RNF149: variants seen among roughly 807,000 people sequenced by gnomAD.
RNF149 encodes the protein E3 ubiquitin-protein ligase RNF149.
RNF149 carries 21 observed loss-of-function variants against 39.0 expected under a neutral mutation model. That is an observed-to-expected ratio of 0.54 (90% confidence interval 0.38 to 0.77). RNF149 has a LOEUF of 0.77. Ranked by LOEUF, RNF149 falls within the 30% of genes least tolerant of loss-of-function variation. RNF149 has a pLI of 0.00. For missense variants in RNF149, 493 were observed against 534.9 expected (o/e 0.92, Z 0.77); for synonymous variants, 209 against 213.6 (o/e 0.98, Z 0.19).
Position 101,294,166 on chromosome 2 carries a change from A to G in RNF149, c.712-84T>C, listed in dbSNP as rs1573246003. ...CTTAAAAGTCACAAATATAATACAC[A>G]TAAGCATACAGAAAACATTTCATTT... On this transcript the variant is annotated intron_variant, in intron 2 of 6. Coordinates refer to ENST00000295317, the MANE Select transcript of RNF149 (RefSeq NM_173647.4). The G allele has an allele frequency of 1.1e-5, 8 of 745,006 alleles. No individual in the cohort carries two copies. The South Asian group carries it at 1.3e-4, about 12-fold the overall frequency. The allele number at this position is 745,006 out of a possible 1,614,324, so 46.1% of individuals were successfully genotyped here. A position where few individuals can be genotyped will look rare whatever the true frequency, so the allele number is the denominator to read the frequency against.
At chr2:101,287,672 A>G (rs1406593961) in intron 4 of RNF149, among the ~76,000 whole-genome samples, 2 of 152,184 alleles carry the variant, frequency 1.3e-5, no homozygotes, top group Non-Finnish European at 2.9e-5. Flanking sequence ...GATCCAACCC[A>G]ATTCATTCAG....
chr2:101,295,255 G>A (rs1683178212), intron 1 of RNF149, 74 bp from the exon 2 acceptor site: 1 of 1,278,548 alleles, frequency 7.8e-7, no homozygotes, highest in Admixed American at 2.1e-5. Flanking sequence ...TAAATATAAG[G>A]GTACTATGTT....
intron 1 of RNF149, among the ~76,000 whole-genome samples, chr2:101,298,769 T>C (rs1259912026): frequency 6.6e-6 from 1 of 152,204 alleles, no homozygotes. Context: ...TGACTGTTTC[T>C]GGGGAGAGGC....
rs371713499 is a variant in RNF149, at chr2:101,297,969, C to T, written c.461-2788G>A. On this transcript the variant is annotated intron_variant, in intron 1 of 6. Coordinates refer to ENST00000295317, the MANE Select transcript of RNF149 (RefSeq NM_173647.4). ...TACACTATACTGGCAAAAATAGGCA[C>T]GAATGAGCACTCTCGCACACTGCTG... Among the ~76,000 whole-genome samples the T allele has an allele frequency of 2.0e-3, 300 of 152,270 alleles. 5 individuals carry two copies. In the South Asian group the frequency reaches 0.059, roughly 30 times the overall value.
chr2:101,306,629 CCACA>C (rs1243580550), intron 1 of RNF149, among the ~76,000 whole-genome samples: 1 of 152,144 alleles, frequency 6.6e-6, no homozygotes, highest in Non-Finnish European at 1.5e-5. Flanking sequence ...CAGATCACTC[CCACA>C]CAATTTCAAA....
intron 1 of RNF149, among the ~76,000 whole-genome samples, chr2:101,296,946 C>T (rs941247085): frequency 4.6e-5 from 7 of 152,164 alleles, no homozygotes. Flanking sequence ...CGGTGCCTCA[C>T]GCCTGTAATC....
rs34671786 is a variant in RNF149 at position 101,287,904 on chromosome 2, A to T, written c.863+1069T>A. Among the ~76,000 whole-genome samples, 689 of 152,362 alleles carry T rather than the reference A, an allele frequency of 4.5e-3. 2 individuals carry two copies. Among genetic ancestry groups the T allele is most frequent in the Middle Eastern group, 0.031 (9 of 294 alleles). On this transcript the variant is annotated intron_variant, in intron 4 of 6. Transcript: ENST00000295317. Reference sequence around the variant, plus strand: ...TTGCTTCTAGTAGGTGTGAAGTATAATTAAAATTCATCAGACTTAAAACAT... The same window carrying T: ...TTGCTTCTAGTAGGTGTGAAGTATATTTAAAATTCATCAGACTTAAAACAT...
chr2:101,295,593 G>A (rs1014326905), intron 1 of RNF149, among the ~76,000 whole-genome samples: 1 of 151,358 alleles, frequency 6.6e-6, no homozygotes, highest in Non-Finnish European at 1.5e-5. Flanking sequence ...CCTGGGAAGC[G>A]GAGGTTGCAG....
intron 1 of RNF149, among the ~76,000 whole-genome samples, chr2:101,305,102 G>A (rs976575994): frequency 3.9e-5 from 6 of 152,072 alleles, no homozygotes; most frequent in Admixed American, 2.0e-4. Context: ...GCCTCCTGAT[G>A]TGCTGGGGAT....
At chr2:101,290,445 T>C (rs1682963853) in intron 3 of RNF149, among the ~76,000 whole-genome samples, 1 of 152,164 alleles carries the variant, frequency 6.6e-6, no homozygotes, top group South Asian at 2.1e-4. Context: ...ACTAAGCAAG[T>C]GTTCACGGGT....
chr2:101,286,117 C>T lies in RNF149; in HGVS notation c.924G>A (p.Met308Ile). The T allele has an allele frequency of 6.2e-7, 1 of 1,612,486 alleles. No individual in the cohort carries two copies. Among genetic ancestry groups the T allele is most frequent in the South Asian group, 1.1e-5 (1 of 91,034 alleles). Reference protein sequence around the residue: ...PWLLDHRTCPMCKLDVIKALG... With the variant: ...PWLLDHRTCPICKLDVIKALG... ...GGGCTTTGATGACATCAAGTTTACA[C>T]ATTGGACATGTTCGGTGATCCAAAA... The change falls in exon 5 of 7, where the codon ATG (methionine) becomes ATA (isoleucine). Residue 308 changes from methionine to isoleucine, a missense_variant. Met to Ile is a conservative substitution (Grantham distance 10, BLOSUM62 1). Transcript: ENST00000295317.
At chr2:101,293,614 A>C (rs1683102401) in intron 3 of RNF149, among the ~76,000 whole-genome samples, 1 of 152,194 alleles carries the variant, frequency 6.6e-6, no homozygotes, top group Admixed American at 6.5e-5. Flanking sequence ...TTCTCCCTGT[A>C]ACTAAAGGAC....
chr2:101,308,143 G>C lies in RNF149; in HGVS notation c.446C>G (p.Pro149Arg). The C allele has an allele frequency of 6.2e-7, 1 of 1,609,468 alleles. No individual in the cohort carries two copies. Among genetic ancestry groups the C allele is most frequent in the Non-Finnish European group, 8.5e-7 (1 of 1,179,020 alleles). The change falls in exon 1 of 7, where the codon CCC becomes CGC. Residue 149 changes from proline to arginine, a missense_variant. Physicochemically the swap from Pro to Arg is moderately radical, Grantham distance 103 (BLOSUM62 -2). Transcript: ENST00000295317. ...NEERYGNITL[P>R]MSHAGTGNIV... ...GGCCTGCTCACCCGCGTGAGACATG[G>C]GCAAGGTGATGTTCCCGTAGCGCTC...
Position 101,277,288 on chromosome 2 carries a change from G to T in RNF149, c.1160-7C>A. ...GAGTCACTCCTGCCGGCTTCTGCAA[G>T]AGAGCAACATAAGCTACTCCATCAG... On this transcript the variant is annotated splice_region_variant and splice_polypyrimidine_tract_variant and intron_variant, in intron 6 of 6. Transcript: ENST00000295317. 1 of 1,612,324 alleles carries T rather than the reference G, an allele frequency of 6.2e-7. No homozygotes were observed. Among genetic ancestry groups the T allele is most frequent in the South Asian group, 1.1e-5 (1 of 90,740 alleles).
chr2:101,286,902 T>G (rs1307528554), intron 4 of RNF149, among the ~76,000 whole-genome samples: 1 of 152,214 alleles, frequency 6.6e-6, no homozygotes, highest in Non-Finnish European at 1.5e-5. Context: ...ACACCAGGGT[T>G]AGAGGGGCAC....
chr2:101,286,076 C>A lies in RNF149; in HGVS notation c.960+5G>T. 6.4e-7 allele frequency: 1 copy of A among 1,572,088 alleles called. No individual in the cohort carries two copies. Among genetic ancestry groups the A allele is most frequent in the Non-Finnish European group, 8.7e-7 (1 of 1,145,028 alleles). On this transcript the variant is annotated splice_donor_5th_base_variant and intron_variant, in intron 5 of 6. Transcript: ENST00000295317. ...AGATTGAATATAAACAAAAATGTAA[C>A]AAACCCAATATCCTAGGGCTTTGAT...
chr2:101,273,720 AT>A (rs1405769976), downstream of RNF149, among the ~76,000 whole-genome samples: 1 of 151,998 alleles, frequency 6.6e-6, no homozygotes, highest in African/African-American at 2.4e-5. Flanking sequence ...AGATCCTCCC[AT>A]CTTGGCCTCC....
chr2:101,273,291 G>A (rs527776057), downstream of RNF149: 49 of 487,068 alleles, frequency 1.0e-4, no homozygotes, highest in African/African-American at 8.5e-4. Context: ...CATGCCACCC[G>A]CGGTTTCCAC....
chr2:101,276,350 T>C lies in RNF149; in HGVS notation c.*888A>G, dbSNP rs982179268. ...AAGAAGAAACGGTTAAGCAAGGTCA[T>C]GGTATTAAATCTGCTTAAACTCTAA... On this transcript the variant is annotated 3_prime_UTR_variant, in exon 7 of 7. Transcript: ENST00000295317. The C allele has an allele frequency of 1.0e-6, 1 of 985,818 alleles. No homozygotes were observed. The highest frequency in any genetic ancestry group is 1.2e-6 in the Non-Finnish European group (1 of 829,898). The allele number at this position is 985,818 out of a possible 1,614,324, so 61.1% of individuals were successfully genotyped here.
Sources: gnomAD v4.1 joint callset for allele counts (sites outside exome capture counted in the v4.1 genomes callset) on GRCh38, gnomAD v4.1.1 for gene constraint, MANE v1.5 for transcripts, NCBI Gene and HGNC (gene_info 2026-07-23, HGNC 2026-07-21) for gene names.